The following LCORL variants were observed in gnomAD, a reference collection of about 807,000 sequenced individuals.
The protein encoded by LCORL is ligand dependent nuclear receptor corepressor like, also known as ligand-dependent nuclear receptor corepressor-like protein.
In LCORL, 41 loss-of-function variants were observed where a neutral mutation model predicts 141.8. That is an observed-to-expected ratio of 0.29 (90% CI 0.23 to 0.38). The LOEUF (loss-of-function observed/expected upper bound fraction) is 0.38. Among genes scored for constraint, LCORL ranks in the 10% least tolerant of loss-of-function variants. The pLI is 1.00. For missense variants in LCORL, 1,759 were observed against 2,035.0 expected (o/e 0.86, Z 2.61); for synonymous variants, 618 against 694.1 (o/e 0.89, Z 1.72).
At chr4:17,908,216 G>C (rs1731966592) in intron 5 of LCORL, among the ~76,000 whole-genome samples, 1 of 149,460 alleles carries the variant, frequency 6.7e-6, no homozygotes, top group African/African-American at 2.6e-5. Flanking sequence ...ATTTTTAGTA[G>C]AGATGGGGTT....
chr4:17,858,479 C>T (rs1202427136), intron 7 of LCORL, among the ~76,000 whole-genome samples: 1 of 151,596 alleles, frequency 6.6e-6, no homozygotes, highest in Non-Finnish European at 1.5e-5. Context: ...AATCCCAGCT[C>T]TTTGAGAGGC....
In LCORL at chr4:17,868,487, T is replaced by C. The variant is rs555520000; in HGVS notation, c.5602+4901A>G. On this transcript the variant is annotated intron_variant, in intron 7 of 7. Transcript: ENST00000635767. ...GAGGTGTCCAGAGTCAGCTTATTTA[T>C]ATCGAGATGTTTATCAATTAGGAAA... Among the ~76,000 whole-genome samples, 371 of 152,276 alleles carry C rather than the reference T, an allele frequency of 2.4e-3. 1 individual carries two copies. Among genetic ancestry groups the C allele is most frequent in the South Asian group, 7.3e-3 (35 of 4,822 alleles).
chr4:17,845,698 G>A lies in LCORL; in HGVS notation c.*190C>T. The A allele has an allele frequency of 1.9e-6, 3 of 1,562,846 alleles. No individual in the cohort carries two copies. In the Admixed American group the frequency reaches 5.5e-5, roughly 29 times the overall value. On this transcript the variant is annotated 3_prime_UTR_variant, in exon 8 of 8. Coordinates refer to ENST00000635767, the Ensembl canonical transcript of LCORL. ...AAGGAATACTGACATACAAAATAAA[G>A]ATAGTGCAAGAAGAACTGCAATCTA...
chr4:17,900,302 T>C (rs1334815363), intron 5 of LCORL, among the ~76,000 whole-genome samples: 1 of 152,196 alleles, frequency 6.6e-6, no homozygotes, highest in Non-Finnish European at 1.5e-5. Context: ...CTTTGAACAA[T>C]CTCTTGATTT....
At chr4:17,867,076 G>T in intron 7 of LCORL, 2 of 604,674 alleles carry the variant, frequency 3.3e-6, no homozygotes, top group Non-Finnish European at 4.1e-6. Context: ...TGGTGTTCAT[G>T]GCTCCCCCAG....
At chr4:17,929,373 A>G (rs554435387) in intron 4 of LCORL, among the ~76,000 whole-genome samples, 2 of 152,344 alleles carry the variant, frequency 1.3e-5, no homozygotes, top group African/African-American at 4.8e-5. Flanking sequence ...TCCTAATTTC[A>G]AAGCTTACTA....
chr4:18,019,957 GT>G (rs970287447), intron 1 of LCORL, among the ~76,000 whole-genome samples: 7 of 151,250 alleles, frequency 4.6e-5, no homozygotes, highest in Admixed American at 2.0e-4. Flanking sequence ...ATACCTAGAG[GT>G]TTTTTTTTAC....
At chr4:17,877,734 GACAAAA>G in exon 7 of LCORL, 1 of 1,230,564 alleles carries the variant, frequency 8.1e-7, no homozygotes, top group Non-Finnish European at 1.0e-6. Flanking sequence ...TACTTCCTTT[GACAAAA>G]GAGGACTACG....
intron 4 of LCORL, among the ~76,000 whole-genome samples, chr4:17,915,404 A>G (rs1174323901): frequency 6.6e-6 from 1 of 152,232 alleles, no homozygotes; most frequent in African/African-American, 2.4e-5. Context: ...ATATGAAATA[A>G]TAAATGTCTG....
intron 7 of LCORL, among the ~76,000 whole-genome samples, chr4:17,850,828 C>A (rs561641610): frequency 1.3e-5 from 2 of 151,754 alleles, no homozygotes; most frequent in East Asian, 3.9e-4. Flanking sequence ...CACATGCACA[C>A]GTATGTTTAT....
At chr4:17,854,280 C>T (rs758264059) in intron 7 of LCORL, among the ~76,000 whole-genome samples, 5 of 152,112 alleles carry the variant, frequency 3.3e-5, no homozygotes, top group Non-Finnish European at 5.9e-5. Flanking sequence ...TTATGTAAAG[C>T]ACTTGGCACA....
chr4:17,888,096 C>G (rs1728544180), intron 5 of LCORL, among the ~76,000 whole-genome samples: 2 of 152,166 alleles, frequency 1.3e-5, no homozygotes, highest in South Asian at 4.1e-4. Flanking sequence ...AGACTATAAG[C>G]TATGTGAAGG....
chr4:17,888,788 CT>C (rs987910747), intron 5 of LCORL, among the ~76,000 whole-genome samples: 39 of 152,176 alleles, frequency 2.6e-4, no homozygotes, highest in African/African-American at 9.4e-4. Context: ...TCTCATTTCT[CT>C]TTTTTGGCAA....
intron 1 of LCORL, among the ~76,000 whole-genome samples, chr4:18,020,887 C>T (rs1725424089): frequency 6.6e-6 from 1 of 152,220 alleles, no homozygotes. Flanking sequence ...TCCAGACTTC[C>T]AAAGAGGGAG....
exon 8 of LCORL, chr4:17,845,358 G>T (rs913732478): frequency 4.9e-5 from 8 of 162,344 alleles, no homozygotes; most frequent in African/African-American, 1.9e-4. Context: ...ACTGCTCATG[G>T]GTCAGGTTAT....
chr4:17,997,938 TA>T (rs1178216987), intron 1 of LCORL, among the ~76,000 whole-genome samples: 1 of 152,186 alleles, frequency 6.6e-6, no homozygotes. Context: ...GTGCATTGCT[TA>T]AAAATGGAAA....
chr4:17,862,363 T>A (rs1725115566), intron 7 of LCORL, among the ~76,000 whole-genome samples: 2 of 152,120 alleles, frequency 1.3e-5, no homozygotes, highest in South Asian at 4.1e-4. Flanking sequence ...TTACTCACTA[T>A]CACAAGAAGA....
At chr4:17,981,567 ATC>A (rs1041892750) in intron 1 of LCORL, among the ~76,000 whole-genome samples, 1 of 151,886 alleles carries the variant, frequency 6.6e-6, no homozygotes, top group South Asian at 2.1e-4. Context: ...GTGAAATCTC[ATC>A]TCTCTCTCTA....
Position 17,878,194 on chromosome 4 carries a change from A to AT in LCORL, c.795dup (p.Ser266IlefsTer6). 1 of 1,229,616 alleles carries AT rather than the reference A, an allele frequency of 8.1e-7. No homozygotes were observed. Among genetic ancestry groups the AT allele is most frequent in the South Asian group, 4.1e-5 (1 of 24,308 alleles). 76.2% of individuals were successfully genotyped at this position (1,229,616 alleles called of 1,614,324 possible). ...TTTTCCATTTTAGTAGCTTCCTCTG[A>AT]TTTTGCATCAACAGTTGAACTAAAA... On this transcript the variant is annotated frameshift_variant, in exon 7 of 8. Coordinates refer to ENST00000635767, the Ensembl canonical transcript of LCORL. LOFTEE classifies it high-confidence loss of function.
Sources: allele counts gnomAD v4.1 joint callset (sites outside exome capture counted in the v4.1 genomes callset), GRCh38; gene constraint gnomAD v4.1.1; transcripts MANE v1.5; gene names NCBI Gene and HGNC (gene_info 2026-07-23, HGNC 2026-07-21).